PDE1A: variants seen among roughly 807,000 people sequenced by gnomAD.
The protein encoded by PDE1A is dual specificity calcium/calmodulin-dependent 3',5'-cyclic nucleotide phosphodiesterase 1A.
A neutral mutation model predicts 61.7 loss-of-function variants in PDE1A; 35 were observed. The ratio of observed to expected loss-of-function variants is 0.57; its 90% CI spans 0.43 to 0.75. The LOEUF (loss-of-function observed/expected upper bound fraction) is 0.75, where lower values mean the gene tolerates loss of function less well. PDE1A is among the 30% of genes least tolerant of loss of function. The pLI is 0.00. For synonymous variants in PDE1A, 232 were observed against 213.2 expected (o/e 1.09, Z -0.77); for missense variants, 597 against 630.6 (o/e 0.95, Z 0.57).
chr2:182,375,761 G>T (rs980960409), intron 1 of PDE1A, among the ~76,000 whole-genome samples: 1 of 152,234 alleles, frequency 6.6e-6, no homozygotes, highest in Non-Finnish European at 1.5e-5. Context: ...CTCCATGAGA[G>T]CCCCATCCTG....
At chr2:182,698,268 C>T in the PDE1A span, among the ~76,000 whole-genome samples, 1 of 152,074 alleles carries the variant, frequency 6.6e-6, no homozygotes, top group East Asian at 1.9e-4. Flanking sequence ...TCTTTATCAT[C>T]TACTAAAAAA....
At chr2:182,428,375 T>A (rs1703744290), upstream of PDE1A, among the ~76,000 whole-genome samples, 1 of 152,160 alleles carries the variant, frequency 6.6e-6, no homozygotes, top group Non-Finnish European at 1.5e-5. Flanking sequence ...TGATGCCTGA[T>A]ACTTCAAAAA....
chr2:182,274,151 T>C (rs1693238382), intron 1 of PDE1A, among the ~76,000 whole-genome samples: 1 of 151,958 alleles, frequency 6.6e-6, no homozygotes, highest in Non-Finnish European at 1.5e-5. Flanking sequence ...CATGATCTAA[T>C]CACCTCCCAA....
chr2:182,493,217 G>A (rs529057297), intron 2 of PDE1A, among the ~76,000 whole-genome samples: 6 of 125,036 alleles, frequency 4.8e-5, no homozygotes, highest in Non-Finnish European at 8.1e-5. Context: ...TCGGCAAGAG[G>A]ACTTTCTCGA....
chr2:182,160,864 A>G (rs1691341109), intron 13 of PDE1A, among the ~76,000 whole-genome samples: 1 of 152,188 alleles, frequency 6.6e-6, no homozygotes, highest in African/African-American at 2.4e-5. Flanking sequence ...GAGGAACAGT[A>G]TTCTTAAAAG....
chr2:182,618,679 T>A, the PDE1A span, among the ~76,000 whole-genome samples: 1 of 152,208 alleles, frequency 6.6e-6, no homozygotes, highest in Non-Finnish European at 1.5e-5. Flanking sequence ...ATGCATTGCA[T>A]TTCTCTCTTT....
intron 1 of PDE1A, among the ~76,000 whole-genome samples, chr2:182,339,634 T>C (rs1365570203): frequency 6.6e-6 from 1 of 152,196 alleles, no homozygotes; most frequent in African/African-American, 2.4e-5. Context: ...TGGAGCCTAC[T>C]GCACTTCTAA....
chr2:182,156,837 T>C (rs1057448022), intron 13 of PDE1A, among the ~76,000 whole-genome samples: 1 of 152,002 alleles, frequency 6.6e-6, no homozygotes. Flanking sequence ...ATAATAGACA[T>C]TGGGACTCCA....
chr2:182,422,583 A>G (rs1032698640), intron 1 of PDE1A, among the ~76,000 whole-genome samples: 73 of 152,228 alleles, frequency 4.8e-4, no homozygotes, highest in Admixed American at 3.6e-3. Context: ...AAAGTTTACT[A>G]AGCAAGATGA....
At chr2:182,288,045 G>T (rs1694281601) in intron 1 of PDE1A, among the ~76,000 whole-genome samples, 2 of 143,462 alleles carry the variant, frequency 1.4e-5, no homozygotes, top group African/African-American at 4.9e-5. Flanking sequence ...TACAAGGAAA[G>T]CCAAATTATT....
the PDE1A span, among the ~76,000 whole-genome samples, chr2:182,673,542 T>A: frequency 7.9e-5 from 12 of 152,136 alleles, no homozygotes; most frequent in Non-Finnish European, 1.5e-4. Context: ...AGAAAATGCG[T>A]CACTTAAAAT....
the PDE1A span, among the ~76,000 whole-genome samples, chr2:182,655,991 T>C: frequency 1.2e-4 from 19 of 152,224 alleles, no homozygotes; most frequent in South Asian, 2.1e-4. Flanking sequence ...AGTGTCCTGA[T>C]TGATGGTTGG....
intron 2 of PDE1A, among the ~76,000 whole-genome samples, chr2:182,453,355 G>C (rs1209336537): frequency 6.6e-6 from 1 of 151,538 alleles, no homozygotes; most frequent in African/African-American, 2.4e-5. Flanking sequence ...AAGTCAACAA[G>C]ACAACTCCAT....
chr2:182,416,099 T>C (rs1177741082), intron 1 of PDE1A, among the ~76,000 whole-genome samples: 1 of 152,216 alleles, frequency 6.6e-6, no homozygotes, highest in Non-Finnish European at 1.5e-5. Flanking sequence ...TGGGGAGCTA[T>C]ATGGTTTCAT....
chr2:182,550,039 G>A, the PDE1A span, among the ~76,000 whole-genome samples: 1 of 151,982 alleles, frequency 6.6e-6, no homozygotes, highest in Non-Finnish European at 1.5e-5. Flanking sequence ...AGAAAAAGAG[G>A]AACATTTTCT....
At chr2:182,285,055 C>T (rs376515510) in intron 1 of PDE1A, among the ~76,000 whole-genome samples, 1 of 152,092 alleles carries the variant, frequency 6.6e-6, no homozygotes, top group Non-Finnish European at 1.5e-5. Context: ...CTTGTACTTT[C>T]TCTTCATAGC....
chr2:182,628,071 C>CA, the PDE1A span, among the ~76,000 whole-genome samples: 1 of 141,158 alleles, frequency 7.1e-6, no homozygotes, highest in Non-Finnish European at 1.6e-5. Flanking sequence ...CACACACACA[C>CA]ACACAGTTTG....
intron 1 of PDE1A, among the ~76,000 whole-genome samples, chr2:182,418,290 T>C (rs1174791768): frequency 1.3e-5 from 2 of 152,164 alleles, no homozygotes; most frequent in African/African-American, 4.8e-5. Flanking sequence ...GAAAAAGAAC[T>C]GGGAAAATGT....
rs150730864 is a variant in PDE1A at position 182,331,283 on chromosome 2, A to G, written c.54-66869T>C. ...CAAAAGGAGATTTTTAAAAGTCCCTATAAGTCTTGACTCTTTATCCAATTT... is the reference window on the plus strand; with the variant it reads ...CAAAAGGAGATTTTTAAAAGTCCCTGTAAGTCTTGACTCTTTATCCAATTT... On this transcript the variant is annotated intron_variant, in intron 1 of 13. Transcript: ENST00000351439. Among the ~76,000 whole-genome samples, 46 of 152,342 alleles carry G rather than the reference A, an allele frequency of 3.0e-4. No individual in the cohort carries two copies. In the East Asian group the frequency reaches 8.3e-3, roughly 27 times the overall value.
Sources: allele counts gnomAD v4.1 joint callset (sites outside exome capture counted in the v4.1 genomes callset), GRCh38; gene constraint gnomAD v4.1.1; transcripts MANE v1.5; gene names NCBI Gene and HGNC (gene_info 2026-07-23, HGNC 2026-07-21).